Variants in PHLDB2 observed in about 807,000 individuals in gnomAD.
PHLDB2 encodes the protein pleckstrin homology like domain family B member 2.
Under a neutral mutation model 123.6 loss-of-function variants are expected in PHLDB2, and 71 were observed. The observed-to-expected ratio is 0.57, with a 90% CI of 0.47 to 0.70. The LOEUF is 0.70. PHLDB2 is among the 30% of genes least tolerant of loss of function. The pLI is 0.00. For synonymous variants in PHLDB2, 547 were observed against 541.6 expected (o/e 1.01, Z -0.14); for missense variants, 1,446 against 1,519.5 (o/e 0.95, Z 0.80).
At chr3:111,857,450 C>A (rs865988487), upstream of PHLDB2, among the ~76,000 whole-genome samples, 603 of 113,162 alleles carry the variant, frequency 5.3e-3, no homozygotes, top group Middle Eastern at 0.013. Context: ...GGCCCTGTCT[C>A]AAAAAAAAAA....
At chr3:111,820,160 G>T (rs142872578) in intron 1 of PHLDB2, among the ~76,000 whole-genome samples, 1 of 152,172 alleles carries the variant, frequency 6.6e-6, no homozygotes, top group African/African-American at 2.4e-5. Context: ...ATTGGCAGGG[G>T]ACTTGGTGGT....
At chr3:111,940,471 G>A (rs999416092) in intron 7 of PHLDB2, 64 bp from the exon 8 acceptor site, 9 of 926,128 alleles carry the variant, frequency 9.7e-6, no homozygotes, top group African/African-American at 1.7e-5. Context: ...CCTTTTCTAG[G>A]ACAGACTAGC....
chr3:111,956,291 A>G (rs1050510323), intron 12 of PHLDB2, among the ~76,000 whole-genome samples: 2 of 152,254 alleles, frequency 1.3e-5, no homozygotes, highest in Admixed American at 1.3e-4. Flanking sequence ...AGAGCCATTA[A>G]CATTACCATT....
chr3:111,845,354 CAAAAAAAAAAAAAAAA>C (rs745585464), intron 1 of PHLDB2, among the ~76,000 whole-genome samples: 6 of 39,162 alleles, frequency 1.5e-4, no homozygotes, highest in East Asian at 2.0e-3. Context: ...GACTCTGTCT[CAAAAAAAAAAAAAAAA>C]AAAAAAAAAA....
chr3:111,945,345 T>C lies in PHLDB2; in HGVS notation c.2475T>C (p.Asn825=). ...SGGKGFPVNP[N]TLKEGYISVN... ...GGAAAGGGTTTCCCGTTAACCCCAATACTTTAAAAGAGGTAAGCTATGATT... is the reference window on the plus strand; with the variant it reads ...GGAAAGGGTTTCCCGTTAACCCCAACACTTTAAAAGAGGTAAGCTATGATT... Residue 825 remains asparagine (N), a synonymous_variant, in exon 9 of 18, where the codon AAT becomes AAC. Transcript: ENST00000431670. 1 of 1,601,054 alleles carries C rather than the reference T, an allele frequency of 6.2e-7. No homozygotes were observed. The highest frequency in any genetic ancestry group is 8.6e-7 in the Non-Finnish European group (1 of 1,168,948).
intron 1 of PHLDB2, among the ~76,000 whole-genome samples, chr3:111,842,429 C>G (rs1482702161): frequency 1.3e-5 from 2 of 152,160 alleles, no homozygotes; most frequent in African/African-American, 4.8e-5. Flanking sequence ...TATATTGATG[C>G]ATTGCCATCA....
intron 2 of PHLDB2, among the ~76,000 whole-genome samples, chr3:111,912,444 C>T (rs930145192): frequency 3.9e-5 from 6 of 152,104 alleles, no homozygotes; most frequent in African/African-American, 1.2e-4. Flanking sequence ...TGAGTTACAT[C>T]GGTGTGTATC....
chr3:111,932,457 G>A (rs770072746), intron 6 of PHLDB2, 60 bp downstream of exon 6: 2 of 1,508,748 alleles, frequency 1.3e-6, no homozygotes, highest in Non-Finnish European at 1.8e-6. Context: ...TTTCACTTAA[G>A]TGCCACTTAC....
chr3:111,960,864 TGGA>T (rs2071365705), intron 12 of PHLDB2, among the ~76,000 whole-genome samples: 1 of 152,160 alleles, frequency 6.6e-6, no homozygotes. Flanking sequence ...TTTTAATGAA[TGGA>T]GGAATTTGTT....
At chr3:111,820,692 A>T (rs111568890) in intron 1 of PHLDB2, among the ~76,000 whole-genome samples, 394 of 152,330 alleles carry the variant, frequency 2.6e-3, no homozygotes, top group African/African-American at 9.1e-3. Flanking sequence ...TTGGGCATGG[A>T]ATTTCCAGAC....
intron 2 of PHLDB2, among the ~76,000 whole-genome samples, chr3:111,853,302 C>T (rs2064341064): frequency 1.3e-5 from 2 of 152,104 alleles, no homozygotes; most frequent in Non-Finnish European, 2.9e-5. Context: ...TTTCCCTTAA[C>T]AACAGTTGCA....
upstream of PHLDB2, among the ~76,000 whole-genome samples, chr3:111,857,395 G>A (rs559345977): frequency 6.7e-4 from 99 of 148,706 alleles, no homozygotes; most frequent in African/African-American, 2.4e-3. Flanking sequence ...AGGCTGCAGT[G>A]AGCTATGACT....
intron 1 of PHLDB2, among the ~76,000 whole-genome samples, chr3:111,807,636 G>A (rs982362052): frequency 6.6e-6 from 1 of 152,156 alleles, no homozygotes; most frequent in Non-Finnish European, 1.5e-5. Context: ...AGTCCCACTT[G>A]TAGTCCTGAC....
At chr3:111,862,938 C>T (rs929735577) in intron 1 of PHLDB2, among the ~76,000 whole-genome samples, 1 of 152,104 alleles carries the variant, frequency 6.6e-6, no homozygotes, top group African/African-American at 2.4e-5. Context: ...TAAGGGCGGG[C>T]AGACAAAGTT....
intron 1 of PHLDB2, among the ~76,000 whole-genome samples, chr3:111,742,356 A>C (rs1450529635): frequency 6.6e-6 from 1 of 152,162 alleles, no homozygotes; most frequent in African/African-American, 2.4e-5. Flanking sequence ...ACATGTGCAC[A>C]ACGTGCAGGT....
chr3:111,961,702 T>A (rs961789671), intron 12 of PHLDB2, among the ~76,000 whole-genome samples: 2 of 152,328 alleles, frequency 1.3e-5, no homozygotes, highest in Non-Finnish European at 2.9e-5. Context: ...TTGAATACCA[T>A]TGAAGAAGTG....
At chr3:111,963,530 C>G (rs1303093165) in intron 13 of PHLDB2, among the ~76,000 whole-genome samples, 1 of 152,120 alleles carries the variant, frequency 6.6e-6, no homozygotes, top group East Asian at 1.9e-4. Flanking sequence ...TTTGTCTACA[C>G]TGTAAATAAT....
chr3:111,818,651 A>G (rs2062214242), intron 1 of PHLDB2, among the ~76,000 whole-genome samples: 1 of 152,190 alleles, frequency 6.6e-6, no homozygotes, highest in African/African-American at 2.4e-5. Flanking sequence ...CTTGCTAGCT[A>G]GAGCCTTACT....
At chr3:111,911,324 A>G (rs1295203158) in intron 2 of PHLDB2, among the ~76,000 whole-genome samples, 2 of 152,222 alleles carry the variant, frequency 1.3e-5, no homozygotes, top group Non-Finnish European at 2.9e-5. Context: ...CTTCAACTTA[A>G]TTACCTAAGT....
Sources: gnomAD v4.1 joint callset for allele counts (sites outside exome capture counted in the v4.1 genomes callset) on GRCh38, gnomAD v4.1.1 for gene constraint, MANE v1.5 for transcripts, NCBI Gene and HGNC (gene_info 2026-07-23, HGNC 2026-07-21) for gene names.